MMP26: variants seen among roughly 807,000 people sequenced by gnomAD.
The protein encoded by MMP26 is matrix metalloproteinase-26.
MMP26 carries 33 observed loss-of-function variants against 31.0 expected under a neutral mutation model. That is an observed-to-expected ratio of 1.06 (90% CI 0.81 to 1.42). The LOEUF (loss-of-function observed/expected upper bound fraction) is 1.42. Among genes scored for constraint, MMP26 ranks in the 40% most tolerant of loss-of-function variants. MMP26 has a pLI of 0.00. For missense variants in MMP26, 347 were observed against 316.1 expected (o/e 1.10, Z -0.74); for synonymous variants, 122 against 114.9 (o/e 1.06, Z -0.40).
intron 1 of MMP26, among the ~76,000 whole-genome samples, chr11:4,714,916 T>TCACA (rs1564892951): frequency 7.5e-6 from 1 of 133,316 alleles, no homozygotes; most frequent in African/African-American, 3.1e-5. Context: ...TCTCTCTCTC[T>TCACA]CTCTCACACA....
chr11:4,931,523 T>G (rs939003581), intron 2 of MMP26, among the ~76,000 whole-genome samples: 1 of 152,060 alleles, frequency 6.6e-6, no homozygotes, highest in African/African-American at 2.4e-5. Flanking sequence ...TAGAGAGATT[T>G]ATATTATGAA....
chr11:4,970,485 C>T (rs1277951567), intron 2 of MMP26, among the ~76,000 whole-genome samples: 1 of 152,078 alleles, frequency 6.6e-6, no homozygotes, highest in Non-Finnish European at 1.5e-5. Flanking sequence ...GTTTGGGGTT[C>T]CTGAGCACCT....
chr11:4,784,193 C>T (rs1256006846), intron 2 of MMP26, among the ~76,000 whole-genome samples: 1 of 152,158 alleles, frequency 6.6e-6, no homozygotes, highest in East Asian at 1.9e-4. Flanking sequence ...TGGTTGTTGG[C>T]CAGCATTTCA....
intron 2 of MMP26, among the ~76,000 whole-genome samples, chr11:4,862,340 A>G (rs1850173687): frequency 6.6e-6 from 1 of 152,200 alleles, no homozygotes; most frequent in Non-Finnish European, 1.5e-5. Flanking sequence ...CTCATTGAGC[A>G]TATGTAAGGC....
At chr11:4,879,820 A>G (rs1850433022) in intron 2 of MMP26, among the ~76,000 whole-genome samples, 1 of 152,122 alleles carries the variant, frequency 6.6e-6, no homozygotes. Flanking sequence ...CAGGAGAGTA[A>G]TGAGACCTCT....
chr11:4,914,695 C>G, intron 2 of MMP26: 1 of 1,536,748 alleles, frequency 6.5e-7, no homozygotes, highest in Non-Finnish European at 9.0e-7. Flanking sequence ...TTTCAGGAGA[C>G]AGTGGCTCTA....
At chr11:4,914,438 C>A in intron 2 of MMP26, 2 of 347,868 alleles carry the variant, frequency 5.7e-6, no homozygotes, top group Non-Finnish European at 1.0e-5. Context: ...GAAGTAGACC[C>A]TATCTCTTTA....
chr11:4,992,117 A>ATT lies in MMP26; in HGVS notation c.751_752dup (p.Leu251PhefsTer46). 6.2e-7 allele frequency: 1 copy of ATT among 1,613,162 alleles called. No homozygotes were observed. Among genetic ancestry groups the ATT allele is most frequent in the East Asian group, 2.2e-5 (1 of 44,844 alleles). On this transcript the variant is annotated frameshift_variant, in exon 7 of 8. Coordinates refer to ENST00000380390, the MANE Select transcript of MMP26 (RefSeq NM_021801.5). LOFTEE classifies it high-confidence loss of function. ...GCCGATGATATCCAAAGGATCCAGC[A>ATT]TTTGTATGGTCTGTGCTGCTTAAGG...
At chr11:4,711,437 C>T (rs1466420681) in intron 1 of MMP26, 1 of 152,170 alleles carries the variant, frequency 6.6e-6, no homozygotes, top group Admixed American at 6.5e-5. Context: ...CACTTTCTTG[C>T]ATTTTATAAA....
At chr11:4,943,516 T>C (rs1461213238) in intron 2 of MMP26, 1 of 456,074 alleles carries the variant, frequency 2.2e-6, no homozygotes, top group East Asian at 7.0e-5. Flanking sequence ...CACTGACATT[T>C]TGTGCTAGAT....
intron 2 of MMP26, among the ~76,000 whole-genome samples, chr11:4,855,224 C>T (rs1469814711): frequency 7.2e-5 from 11 of 152,112 alleles, no homozygotes; most frequent in African/African-American, 1.2e-4. Flanking sequence ...AGGACTTTGA[C>T]GAGTTGACAG....
intron 2 of MMP26, among the ~76,000 whole-genome samples, chr11:4,983,187 A>G (rs1028211872): frequency 2.0e-5 from 3 of 152,218 alleles, no homozygotes; most frequent in Non-Finnish European, 4.4e-5. Flanking sequence ...GATGATCACT[A>G]AATGACTGTG....
chr11:4,717,841 C>A (rs752858713), intron 1 of MMP26, among the ~76,000 whole-genome samples: 1 of 152,016 alleles, frequency 6.6e-6, no homozygotes, highest in African/African-American at 2.4e-5. Context: ...GTATTTTAAC[C>A]CAGTTAAAAT....
At chr11:4,740,407 G>C (rs1848296360) in intron 1 of MMP26, among the ~76,000 whole-genome samples, 1 of 152,132 alleles carries the variant, frequency 6.6e-6, no homozygotes, top group Non-Finnish European at 1.5e-5. Context: ...TTTGGGGCTG[G>C]GGGCGGTGGC....
At chr11:4,718,353 C>T (rs761334399) in intron 1 of MMP26, among the ~76,000 whole-genome samples, 18 of 152,180 alleles carry the variant, frequency 1.2e-4, no homozygotes, top group Admixed American at 3.9e-4. Context: ...TTAAATAAGA[C>T]GGAATGCTGC....
chr11:4,961,707 G>T (rs751924047), intron 2 of MMP26, among the ~76,000 whole-genome samples: 2 of 152,168 alleles, frequency 1.3e-5, no homozygotes, highest in African/African-American at 4.8e-5. Flanking sequence ...TTCAACACTT[G>T]GGATTTTAAT....
intron 2 of MMP26, chr11:4,769,668 ATGT>A (rs1848687115): frequency 6.2e-7 from 1 of 1,612,984 alleles, no homozygotes; most frequent in Non-Finnish European, 8.5e-7. Flanking sequence ...AGGATACCTA[ATGT>A]TGTTGACAAT....
In MMP26 at chr11:4,723,126, A is replaced by G; in HGVS notation, c.-217+18081A>G. ...CGCTGCAGGGCGGCCTCCAGCTCGG[A>G]CAGCTTGGAGTTGGCATCCTTAATG... On this transcript the variant is annotated intron_variant, in intron 1 of 7. Transcript: ENST00000380390. The G allele has an allele frequency of 3.2e-6, 5 of 1,584,526 alleles. No homozygotes were observed. The South Asian group carries it at 5.5e-5, about 18-fold the overall frequency.
intron 2 of MMP26, chr11:4,913,902 C>G (rs886641655): frequency 6.6e-6 from 1 of 152,186 alleles, no homozygotes; most frequent in Non-Finnish European, 1.5e-5. Context: ...TCAGGGAAAA[C>G]TTTTCTGATG....
Sources: allele counts gnomAD v4.1 joint callset (sites outside exome capture counted in the v4.1 genomes callset), GRCh38; gene constraint gnomAD v4.1.1; transcripts MANE v1.5; gene names NCBI Gene and HGNC (gene_info 2026-07-23, HGNC 2026-07-21).